ZC2HC1A: variants seen among roughly 807,000 people sequenced by gnomAD.
ZC2HC1A encodes zinc finger C2HC-type containing 1A, also known as zinc finger C2HC domain-containing protein 1A.
Under a neutral mutation model 40.7 loss-of-function variants are expected in ZC2HC1A, and 28 were observed. The observed-to-expected ratio is 0.69, with a 90% confidence interval of 0.51 to 0.94. ZC2HC1A has a LOEUF of 0.94. Among genes scored for constraint, ZC2HC1A ranks in the 40% least tolerant of loss-of-function variants. ZC2HC1A has a pLI of 0.00. For missense variants in ZC2HC1A, 389 were observed against 386.3 expected (o/e 1.01, Z -0.06); for synonymous variants, 129 against 129.2 (o/e 1.00, Z 0.01).
chr8:78,689,284 A>C lies in ZC2HC1A; in HGVS notation c.415A>C (p.Asn139His). 6.2e-7 allele frequency: 1 copy of C among 1,602,246 alleles called. No homozygotes were observed. Among genetic ancestry groups the C allele is most frequent in the Non-Finnish European group, 8.5e-7 (1 of 1,174,172 alleles). The change falls in exon 5 of 9, where the codon AAT (asparagine) becomes CAT (histidine). Residue 139 changes from asparagine to histidine, a missense_variant. Physicochemically the swap from Asn to His is moderately conservative, Grantham distance 68 (BLOSUM62 1). Transcript: ENST00000263849. Reference protein sequence around the residue: ...FNENAADRHINFCKEQAARIS... With the variant: ...FNENAADRHIHFCKEQAARIS... Reference sequence around the variant, plus strand: ...TGAAAATGCAGCTGATAGACATATAAATTTCTGTAAAGAACAGGCAGCACG... The same window carrying C: ...TGAAAATGCAGCTGATAGACATATACATTTCTGTAAAGAACAGGCAGCACG...
intron 6 of ZC2HC1A, 141 bp downstream of exon 6, chr8:78,697,647 A>T: frequency 3.1e-6 from 2 of 652,792 alleles, no homozygotes; most frequent in Non-Finnish European, 5.0e-6. Flanking sequence ...TTATTTTTTA[A>T]AATAAGATAA....
chr8:78,678,675 C>G lies in ZC2HC1A; in HGVS notation c.206C>G (p.Pro69Arg). The G allele has an allele frequency of 1.9e-6, 3 of 1,602,984 alleles. No homozygotes were observed. Among genetic ancestry groups the G allele is most frequent in the Non-Finnish European group, 2.6e-6 (3 of 1,175,350 alleles). The change falls in exon 3 of 9, where the codon CCG becomes CGG. Residue 69 changes from proline to arginine, a missense_variant. Coordinates refer to ENST00000263849, the MANE Select transcript of ZC2HC1A (RefSeq NM_016010.3). ...ATTCCAACAGTAAAACCTCTCAAACCGAGGGTAACTATATAACCTTTTGAA... is the reference window on the plus strand; with the variant it reads ...ATTCCAACAGTAAAACCTCTCAAACGGAGGGTAACTATATAACCTTTTGAA... Reference protein sequence around the residue: ...TDIPTVKPLKPRPEPPKKPSN... With the variant: ...TDIPTVKPLKRRPEPPKKPSN...
intron 7 of ZC2HC1A, among the ~76,000 whole-genome samples, chr8:78,706,380 T>C (rs1282873536): frequency 6.6e-6 from 1 of 152,170 alleles, no homozygotes; most frequent in East Asian, 1.9e-4. Context: ...TTCCTGGGTC[T>C]TTGCCTGTGC....
intron 1 of ZC2HC1A, among the ~76,000 whole-genome samples, chr8:78,669,051 T>G (rs1809374730): frequency 6.7e-6 from 1 of 149,572 alleles, no homozygotes; most frequent in African/African-American, 2.4e-5. Flanking sequence ...AGCCCTTGGT[T>G]TAAAGATAGT....
At chr8:78,666,318 C>A (rs1000449745) in intron 1 of ZC2HC1A, among the ~76,000 whole-genome samples, 154 bp downstream of exon 1, 1 of 152,220 alleles carries the variant, frequency 6.6e-6, no homozygotes. Context: ...CGAAGGGAAC[C>A]GGACAGTCCC....
intron 7 of ZC2HC1A, among the ~76,000 whole-genome samples, chr8:78,701,591 T>C (rs1810605955): frequency 6.6e-6 from 1 of 152,228 alleles, no homozygotes; most frequent in Non-Finnish European, 1.5e-5. Context: ...AGGGGAATGC[T>C]TCCAGCTTTT....
At chr8:78,673,626 T>C (rs1453946747) in intron 1 of ZC2HC1A, among the ~76,000 whole-genome samples, 2 of 152,202 alleles carry the variant, frequency 1.3e-5, no homozygotes, top group African/African-American at 2.4e-5. Context: ...CGTGAGATGG[T>C]ATTCTGTTTT....
At chr8:78,691,554 G>A (rs1220020894) in intron 5 of ZC2HC1A, among the ~76,000 whole-genome samples, 1 of 151,716 alleles carries the variant, frequency 6.6e-6, no homozygotes, top group African/African-American at 2.4e-5. Flanking sequence ...GGTCAAAATT[G>A]CCTGTCATTT....
At chr8:78,666,239 C>G in intron 1 of ZC2HC1A, 75 bp downstream of exon 1, 1 of 1,547,908 alleles carries the variant, frequency 6.5e-7, no homozygotes, top group South Asian at 1.2e-5. Flanking sequence ...ACACCAGTAG[C>G]AGGAAGGCGA....
At chr8:78,716,105 G>C (rs1811092594) in intron 8 of ZC2HC1A, among the ~76,000 whole-genome samples, 1 of 145,598 alleles carries the variant, frequency 6.9e-6, no homozygotes, top group African/African-American at 2.5e-5. Context: ...CTTTATTACT[G>C]TTTTTTTTTG....
At chr8:78,705,245 T>C (rs949256673) in intron 7 of ZC2HC1A, among the ~76,000 whole-genome samples, 1 of 152,258 alleles carries the variant, frequency 6.6e-6, no homozygotes, top group African/African-American at 2.4e-5. Flanking sequence ...TTTCTCATCT[T>C]TGTGAGCTTA....
At chr8:78,698,014 GC>G (rs2130546529) in intron 6 of ZC2HC1A, among the ~76,000 whole-genome samples, 1 of 152,042 alleles carries the variant, frequency 6.6e-6, no homozygotes, top group African/African-American at 2.4e-5. Flanking sequence ...TTAAATGTTG[GC>G]CCCAGATGTT....
chr8:78,673,312 T>C (rs1043142110), intron 1 of ZC2HC1A, among the ~76,000 whole-genome samples: 4 of 152,184 alleles, frequency 2.6e-5, no homozygotes, highest in African/African-American at 9.7e-5. Context: ...ATCCAGTCTA[T>C]CATTGATGGG....
At chr8:78,674,502 T>C (rs1809518948) in intron 1 of ZC2HC1A, among the ~76,000 whole-genome samples, 1 of 152,154 alleles carries the variant, frequency 6.6e-6, no homozygotes, top group African/African-American at 2.4e-5. Context: ...TTAGTGGACT[T>C]AAGTGATCCA....
chr8:78,715,125 G>T, intron 7 of ZC2HC1A, 96 bp from the exon 8 acceptor site: 2 of 1,046,324 alleles, frequency 1.9e-6, no homozygotes, highest in Admixed American at 2.8e-5. Flanking sequence ...CTTCTCTGAA[G>T]CTTCTAAGTA....
intron 8 of ZC2HC1A, among the ~76,000 whole-genome samples, chr8:78,715,751 A>C (rs1031893726): frequency 1.3e-5 from 2 of 152,104 alleles, no homozygotes; most frequent in Admixed American, 6.5e-5. Context: ...ATAAAACTGG[A>C]ATGGATGAGG....
intron 4 of ZC2HC1A, among the ~76,000 whole-genome samples, chr8:78,688,095 C>G (rs1214771920): frequency 6.6e-6 from 1 of 151,196 alleles, no homozygotes; most frequent in Non-Finnish European, 1.5e-5. Flanking sequence ...TTGCGAAACC[C>G]TGTTCTAGAG....
chr8:78,704,047 A>T (rs1045813222), intron 7 of ZC2HC1A, among the ~76,000 whole-genome samples: 16 of 152,066 alleles, frequency 1.1e-4, no homozygotes, highest in African/African-American at 3.4e-4. Context: ...TATGAAGCTT[A>T]GTTTGGCCTG....
At chr8:78,679,031 C>T (rs1809676184) in intron 3 of ZC2HC1A, 1 of 155,510 alleles carries the variant, frequency 6.4e-6, no homozygotes, top group African/African-American at 2.4e-5. Flanking sequence ...TGATTCATTT[C>T]ATCTTCTACC....
Sources: allele counts gnomAD v4.1 joint callset (sites outside exome capture counted in the v4.1 genomes callset), GRCh38; gene constraint gnomAD v4.1.1; transcripts MANE v1.5; gene names NCBI Gene and HGNC (gene_info 2026-07-23, HGNC 2026-07-21).